IQCH: variants seen among roughly 807,000 people sequenced by gnomAD.
IQCH encodes the protein IQ motif containing H.
A neutral mutation model predicts 117.0 loss-of-function variants in IQCH; 98 were observed. That is an observed-to-expected ratio of 0.84 (90% CI 0.71 to 0.99). The LOEUF is 0.99. Among genes scored for constraint, IQCH ranks in the 50% least tolerant of loss-of-function variants. The pLI, the probability that IQCH is intolerant of heterozygous loss-of-function variation, is 0.00. For missense variants in IQCH, 1,102 were observed against 1,243.8 expected (o/e 0.89, Z 1.72); for synonymous variants, 412 against 448.2 (o/e 0.92, Z 1.02).
intron 4 of IQCH, among the ~76,000 whole-genome samples, chr15:67,301,403 T>G (rs1214969216): frequency 2.3e-5 from 1 of 44,022 alleles, no homozygotes; most frequent in Non-Finnish European, 5.9e-5. Context: ...TATGTTAAGT[T>G]TTTTTTTTTT....
intron 4 of IQCH, among the ~76,000 whole-genome samples, chr15:67,286,616 G>T (rs200220401): frequency 0.044 from 5,276 of 120,362 alleles, 104 homozygotes; most frequent in Middle Eastern, 0.061. Flanking sequence ...ATTTATTTAT[G>T]TATTTATTTA....
chr15:67,283,927 G>T (rs1966463621), intron 4 of IQCH, among the ~76,000 whole-genome samples: 1 of 151,754 alleles, frequency 6.6e-6, no homozygotes, highest in Non-Finnish European at 1.5e-5. Flanking sequence ...GTACATAGTG[G>T]GTGTACATAT....
intron 18 of IQCH, among the ~76,000 whole-genome samples, chr15:67,486,575 T>A (rs2083486817): frequency 6.6e-6 from 1 of 152,134 alleles, no homozygotes; most frequent in African/African-American, 2.4e-5. Context: ...AAGGGGGATA[T>A]AAAATTATGA....
intron 8 of IQCH, 194 bp downstream of exon 8, chr15:67,360,079 CT>C (rs1970071201): frequency 3.7e-6 from 2 of 535,954 alleles, no homozygotes; most frequent in African/African-American, 1.9e-5. Context: ...AGTGAAAACC[CT>C]TTTTTGCCTC....
intron 4 of IQCH, among the ~76,000 whole-genome samples, chr15:67,304,883 TC>T (rs1410196617): frequency 6.6e-6 from 1 of 152,024 alleles, no homozygotes; most frequent in Non-Finnish European, 1.5e-5. Flanking sequence ...AGAATATTAT[TC>T]TAAATCTGAG....
At chr15:67,375,432 A>T (rs1318875017) in intron 10 of IQCH, among the ~76,000 whole-genome samples, 1 of 152,168 alleles carries the variant, frequency 6.6e-6, no homozygotes, top group African/African-American at 2.4e-5. Flanking sequence ...TAAAAAAATT[A>T]ATAAAATAAA....
intron 10 of IQCH, among the ~76,000 whole-genome samples, chr15:67,380,181 T>C (rs185142765): frequency 3.3e-5 from 5 of 152,324 alleles, no homozygotes; most frequent in Admixed American, 3.3e-4. Flanking sequence ...TGTGAAAATG[T>C]ACTAATACAA....
chr15:67,500,449 C>T lies in IQCH; in HGVS notation c.2971-184C>T, dbSNP rs2083948858. Among the ~76,000 whole-genome samples, 1 of 152,144 alleles carries T rather than the reference C, an allele frequency of 6.6e-6. No individual in the cohort carries two copies. Among genetic ancestry groups the T allele is most frequent in the African/African-American group, 2.4e-5 (1 of 41,442 alleles). ...TTCTAAAAAGTTTTCCAAATTCTTA[C>T]TCTCAATTTTTTTACTCATTTCAGC... On this transcript the variant is annotated intron_variant, in intron 20 of 20. Coordinates refer to ENST00000335894, the MANE Select transcript of IQCH (RefSeq NM_001031715.3). This position sits in a 1 kb window ranked among gnomAD's most constrained non-coding sequence, Gnocchi z 4.4.
chr15:67,261,479 G>A, intron 2 of IQCH, 85 bp downstream of exon 2: 1 of 1,172,674 alleles, frequency 8.5e-7, no homozygotes, highest in Admixed American at 2.8e-5. Flanking sequence ...ATAGAGTCCT[G>A]CATAATTCTG....
At chr15:67,435,178 C>G (rs1169205356) in intron 16 of IQCH, among the ~76,000 whole-genome samples, 1 of 151,498 alleles carries the variant, frequency 6.6e-6, no homozygotes, top group Non-Finnish European at 1.5e-5. Context: ...TTGATAATAG[C>G]CATCTGAAGA....
intron 3 of IQCH, among the ~76,000 whole-genome samples, chr15:67,267,860 A>G (rs1055068711): frequency 6.6e-6 from 1 of 152,212 alleles, no homozygotes; most frequent in Non-Finnish European, 1.5e-5. Context: ...AAGATTTTAG[A>G]ACAGATATGC....
Position 67,494,375 on chromosome 15 carries a change from T to G in IQCH, c.2970+9T>G. 986 of 1,560,926 alleles carry G rather than the reference T, an allele frequency of 6.3e-4. No homozygotes were observed. Among genetic ancestry groups the G allele is most frequent in the Non-Finnish European group, 8.0e-4 (908 of 1,135,080 alleles). ...GCGAGACCAATTTTAAGGTGAGGTG[T>G]TAATTAACTAACGATTCTGGTTAAT... On this transcript the variant is annotated intron_variant, in intron 20 of 20. Transcript: ENST00000335894. The surrounding 1 kb of genome is among the most constrained non-coding windows in gnomAD (Gnocchi z 5.5).
In IQCH at chr15:67,501,632, T is replaced by G. The variant is rs551889471; in HGVS notation, c.*886T>G. The G allele has an allele frequency of 1.3e-5, 2 of 152,308 alleles. No individual in the cohort carries two copies. Among genetic ancestry groups the G allele is most frequent in the South Asian group, 4.2e-4 (2 of 4,816 alleles). The allele number at this position is 152,308 out of a possible 1,614,324, so 9.4% of individuals were successfully genotyped here. ...ACTGAAGGGTGAAATAAAAGCAAAT[T>G]ACAACACCAAAACCATTATTGTTTT... On this transcript the variant is annotated 3_prime_UTR_variant, in exon 21 of 21. Coordinates refer to ENST00000335894, the MANE Select transcript of IQCH (RefSeq NM_001031715.3). The surrounding 1 kb of genome is among the most constrained non-coding windows in gnomAD (Gnocchi z 5.2).
Position 67,359,726 on chromosome 15 carries a change from G to A in IQCH, c.715-121G>A. The A allele has an allele frequency of 1.2e-6, 1 of 837,020 alleles. No homozygotes were observed. The highest frequency in any genetic ancestry group is 2.1e-6 in the Non-Finnish European group (1 of 482,930). 51.8% of individuals were successfully genotyped at this position (837,020 alleles called of 1,614,324 possible). On this transcript the variant is annotated intron_variant, in intron 7 of 20. Coordinates refer to ENST00000335894, the MANE Select transcript of IQCH (RefSeq NM_001031715.3). The surrounding 1 kb of genome is among the most constrained non-coding windows in gnomAD (Gnocchi z 4.5). ...TAGCTCCTGCCTGCGTGGAAAGAGA[G>A]AACAGGCTGGCCCAGCGGGTAAAAT... is the stretch of plus-strand genomic sequence containing the variant.
chr15:67,474,581 T>A lies in IQCH; in HGVS notation c.2677-1115T>A, dbSNP rs1009384322. On this transcript the variant is annotated intron_variant, in intron 17 of 20. Coordinates refer to ENST00000335894, the MANE Select transcript of IQCH (RefSeq NM_001031715.3). This position sits in a 1 kb window ranked among gnomAD's most constrained non-coding sequence, Gnocchi z 4.1. ...ATACATAATGACAGCACTTTGGGCC[T>A]ACTATCACCAATCTCTTTGGCATGG... Among the ~76,000 whole-genome samples, 89 of 152,310 alleles carry A rather than the reference T, an allele frequency of 5.8e-4. No individual in the cohort carries two copies. Among genetic ancestry groups the A allele is most frequent in the African/African-American group, 2.0e-3 (85 of 41,566 alleles).
chr15:67,345,893 A>T (rs537899930), intron 6 of IQCH, among the ~76,000 whole-genome samples: 11 of 152,342 alleles, frequency 7.2e-5, no homozygotes, highest in African/African-American at 2.4e-4. Flanking sequence ...ATATGTTAAC[A>T]TTAAGGGAAA....
chr15:67,281,631 G>GA, intron 4 of IQCH: 1 of 452,318 alleles, frequency 2.2e-6, no homozygotes, highest in Non-Finnish European at 4.4e-6. Flanking sequence ...CCAGATCCAG[G>GA]AAATGACTGG....
chr15:67,300,048 C>T (rs1341619120), intron 4 of IQCH, among the ~76,000 whole-genome samples: 1 of 151,996 alleles, frequency 6.6e-6, no homozygotes, highest in Non-Finnish European at 1.5e-5. Flanking sequence ...TCTATCATTC[C>T]TTTGCATTTT....
At chr15:67,275,890 A>G (rs1244551249) in intron 3 of IQCH, among the ~76,000 whole-genome samples, 2 of 152,210 alleles carry the variant, frequency 1.3e-5, no homozygotes, top group African/African-American at 4.8e-5. Context: ...AAATAAATAA[A>G]TATGTTTAAA....
Sources: allele counts gnomAD v4.1 joint callset (sites outside exome capture counted in the v4.1 genomes callset), GRCh38; gene constraint gnomAD v4.1.1; non-coding constraint Gnocchi (gnomAD v3.1); transcripts MANE v1.5; gene names NCBI Gene and HGNC (gene_info 2026-07-23, HGNC 2026-07-21).